TTC23L: variants seen among roughly 807,000 people sequenced by gnomAD.
TTC23L encodes tetratricopeptide repeat domain 23 like, also known as tetratricopeptide repeat protein 23-like.
In TTC23L, 42 loss-of-function variants were observed where a neutral mutation model predicts 48.1. That is an observed-to-expected ratio of 0.87 (90% confidence interval 0.68 to 1.13). The LOEUF (loss-of-function observed/expected upper bound fraction) is 1.13, where lower values mean the gene tolerates loss of function less well. Ranked by LOEUF, TTC23L falls within the 50% of genes most tolerant of loss-of-function variation. The pLI is 0.00. For missense variants in TTC23L, 391 were observed against 421.0 expected (o/e 0.93, Z 0.62); for synonymous variants, 159 against 157.2 (o/e 1.01, Z -0.09).
At chr5:34,867,237 A>C in intron 7 of TTC23L, 168 bp downstream of exon 7, 1 of 718,016 alleles carries the variant, frequency 1.4e-6, no homozygotes, top group Non-Finnish European at 2.4e-6. Context: ...CAAACCTTAA[A>C]TGACCAGGCC....
Position 34,863,046 on chromosome 5 carries a change from G to A in TTC23L, c.528G>A (p.Leu176=). The A allele has an allele frequency of 2.5e-6, 4 of 1,613,888 alleles. No homozygotes were observed. The highest frequency in any genetic ancestry group is 2.2e-5 in the East Asian group (1 of 44,860). Residue 176 remains leucine (L), a synonymous_variant, in exon 5 of 11, where the codon CTG becomes CTA. Transcript: ENST00000505624. This position sits in a 1 kb window ranked among gnomAD's most constrained non-coding sequence, Gnocchi z 4.1. ...ACACTCTGGGCGTGGCCTGGCTCCT[G>A]CAGAACCGATATCCTTCCATTCCTA...
chr5:34,886,040 T>G (rs1762520095), intron 9 of TTC23L, among the ~76,000 whole-genome samples: 1 of 152,094 alleles, frequency 6.6e-6, no homozygotes, highest in African/African-American at 2.4e-5. Context: ...GACTGCCTGG[T>G]GTTGGAATTC....
chr5:34,922,858 C>A, the TTC23L span: 2 of 1,337,756 alleles, frequency 1.5e-6, no homozygotes, highest in South Asian at 2.5e-5. Context: ...AATTTAGTTT[C>A]ACCCCCACCT....
chr5:34,919,578 T>C, the TTC23L span, among the ~76,000 whole-genome samples: 11 of 152,166 alleles, frequency 7.2e-5, no homozygotes, highest in Non-Finnish European at 1.3e-4. Flanking sequence ...ATTCCTAGAA[T>C]ACCTAAATAT....
At chr5:34,889,828 G>GT (rs63273662) in intron 9 of TTC23L, among the ~76,000 whole-genome samples, 6,006 of 150,798 alleles carry the variant, frequency 0.04, 315 homozygotes, top group African/African-American at 0.12. Context: ...ATTAGGTGGG[G>GT]TTTTTTTTTG....
At chr5:34,909,265 C>T in the TTC23L span, 1 of 1,603,758 alleles carries the variant, frequency 6.2e-7, no homozygotes, top group African/African-American at 1.3e-5. Context: ...GACCTGTTGA[C>T]TTGGGTCTGA....
intron 9 of TTC23L, among the ~76,000 whole-genome samples, chr5:34,886,293 G>A (rs942043917): frequency 6.6e-6 from 1 of 150,500 alleles, no homozygotes; most frequent in Non-Finnish European, 1.5e-5. Flanking sequence ...GTCATTGTTG[G>A]GTACAATGCC....
chr5:34,921,232 C>T, the TTC23L span: 3 of 152,166 alleles, frequency 2.0e-5, no homozygotes, highest in African/African-American at 7.2e-5. Context: ...TACAAGCCTT[C>T]ACTCCTGTAA....
intron 9 of TTC23L, among the ~76,000 whole-genome samples, chr5:34,888,853 A>G (rs932891952): frequency 2.0e-5 from 3 of 152,202 alleles, no homozygotes; most frequent in East Asian, 1.9e-4. Flanking sequence ...TAGTTATGAT[A>G]TGGATTCAGA....
chr5:34,869,730 T>G (rs1264733137), intron 8 of TTC23L: 1 of 152,242 alleles, frequency 6.6e-6, no homozygotes. Flanking sequence ...AACCTTTTTG[T>G]GTATGTTATT....
chr5:34,915,793 C>A, the TTC23L span: 1 of 1,593,580 alleles, frequency 6.3e-7, no homozygotes, highest in South Asian at 1.1e-5. Flanking sequence ...GGCGAAGAAG[C>A]CAAAAAGAAA....
the TTC23L span, chr5:34,925,438 G>A: frequency 1.1e-5 from 18 of 1,613,728 alleles, no homozygotes; most frequent in Non-Finnish European, 1.5e-5. Context: ...GAAAGAAACG[G>A]ATTTACAAAA....
intron 9 of TTC23L, among the ~76,000 whole-genome samples, chr5:34,890,639 T>G (rs74544621): frequency 1.2e-3 from 178 of 152,224 alleles, no homozygotes; most frequent in African/African-American, 4.2e-3. Flanking sequence ...ATTTTACATG[T>G]GGGAAAACTG....
At chr5:34,913,472 G>A in the TTC23L span, 79 of 1,537,058 alleles carry the variant, frequency 5.1e-5, no homozygotes, top group Non-Finnish European at 7.0e-5. Context: ...TAGTTTACCT[G>A]GCATAGGACT....
At position 34,863,829 on chromosome 5, in the gene TTC23L, A is replaced by G. The variant is rs1470153038; in HGVS notation, c.537-608A>G. On this transcript the variant is annotated intron_variant, in intron 5 of 10. Coordinates refer to ENST00000505624, the Ensembl canonical transcript of TTC23L. The surrounding 1 kb of genome is among the most constrained non-coding windows in gnomAD (Gnocchi z 4.1). ...ATCATCATGAGCACTCTTTGAGCCT[A>G]TGTGTCCCCAGTCTCCTCTCTACAC... 1.3e-5 allele frequency among the ~76,000 whole-genome samples: 2 copies of G among 152,154 alleles called. No homozygotes were observed. Among genetic ancestry groups the G allele is most frequent in the Non-Finnish European group, 2.9e-5 (2 of 68,032 alleles).
chr5:34,898,317 G>A (rs1009059228), intron 10 of TTC23L, among the ~76,000 whole-genome samples: 11 of 152,064 alleles, frequency 7.2e-5, no homozygotes, highest in South Asian at 4.1e-4. Context: ...TTAACATCTC[G>A]AAAAAGATAT....
chr5:34,850,329 G>C, intron 4 of TTC23L, 21 bp downstream of exon 4: 1 of 1,612,944 alleles, frequency 6.2e-7, no homozygotes, highest in Non-Finnish European at 8.5e-7. Context: ...TTCCCAGCTG[G>C]GTTTGGGTGG....
intron 9 of TTC23L, among the ~76,000 whole-genome samples, chr5:34,892,929 G>C (rs1273943293): frequency 6.6e-6 from 1 of 152,160 alleles, no homozygotes; most frequent in African/African-American, 2.4e-5. Flanking sequence ...TAGACAGAAA[G>C]CAACCATCAA....
intron 8 of TTC23L, among the ~76,000 whole-genome samples, chr5:34,873,824 TTTTGTCTACA>T (rs1761644640): frequency 6.6e-6 from 1 of 152,124 alleles, no homozygotes. Flanking sequence ...TGGAATGCAT[TTTTGTCTACA>T]TACAGAGCAG....
Sources: gnomAD v4.1 joint callset for allele counts (sites outside exome capture counted in the v4.1 genomes callset) on GRCh38, gnomAD v4.1.1 for gene constraint, Gnocchi (gnomAD v3.1) non-coding constraint, MANE v1.5 for transcripts, NCBI Gene and HGNC (gene_info 2026-07-23, HGNC 2026-07-21) for gene names.